Variants in NFIB observed in about 807,000 individuals in gnomAD.
NFIB encodes the protein nuclear factor I B, also known as nuclear factor 1 B-type.
NFIB carries 11 observed loss-of-function variants against 61.5 expected under a neutral mutation model. The ratio of observed to expected loss-of-function variants is 0.18; its 90% CI spans 0.11 to 0.30. The LOEUF is 0.30. NFIB is among the 10% of genes least tolerant of loss of function. NFIB has a pLI of 1.00. For missense variants in NFIB, 471 were observed against 608.9 expected, an observed-to-expected ratio of 0.77 and a Z score of 2.38; for synonymous variants, 260 against 216.5, an observed-to-expected ratio of 1.20 and a Z score of -1.76.
At chr9:14,341,670 T>C (rs77913604) in intron 1 of NFIB, among the ~76,000 whole-genome samples, 3,822 of 152,040 alleles carry the variant, frequency 0.025, 152 homozygotes, top group African/African-American at 0.086. Context: ...ATAAGACCCA[T>C]GGAAAAAGGA....
chr9:14,199,454 C>T (rs1314455799), intron 2 of NFIB, among the ~76,000 whole-genome samples: 1 of 152,216 alleles, frequency 6.6e-6, no homozygotes, highest in Non-Finnish European at 1.5e-5. Flanking sequence ...GCCTGCCAGA[C>T]CCTAATCTAC....
intron 9 of NFIB, 141 bp downstream of exon 9, chr9:14,116,067 T>A: frequency 9.6e-7 from 1 of 1,043,898 alleles, no homozygotes; most frequent in Non-Finnish European, 1.3e-6. Context: ...TCCACTTAAA[T>A]GAGAAATCTC....
intron 3 of NFIB, among the ~76,000 whole-genome samples, chr9:14,158,048 T>C (rs1587133999): frequency 1.3e-5 from 2 of 149,400 alleles, no homozygotes; most frequent in South Asian, 4.2e-4. Flanking sequence ...AAGGCAGAGG[T>C]TGTAGTGAGC....
chr9:14,215,959 C>T (rs774135173), intron 2 of NFIB, among the ~76,000 whole-genome samples: 6 of 152,124 alleles, frequency 3.9e-5, no homozygotes, highest in African/African-American at 9.7e-5. Flanking sequence ...ATTCTCAGCA[C>T]GATACCTTGT....
intron 1 of NFIB, among the ~76,000 whole-genome samples, chr9:14,380,290 T>C (rs1474097415): frequency 6.6e-6 from 1 of 152,062 alleles, no homozygotes; most frequent in Non-Finnish European, 1.5e-5. Context: ...CCACAATCAC[T>C]GAGGTGATGA....
chr9:14,163,622 A>C (rs972412221), intron 3 of NFIB, among the ~76,000 whole-genome samples: 1 of 152,066 alleles, frequency 6.6e-6, no homozygotes, highest in Non-Finnish European at 1.5e-5. Context: ...TATGAATACA[A>C]TCTATTAAAA....
intron 1 of NFIB, among the ~76,000 whole-genome samples, chr9:14,321,627 G>T (rs903714952): frequency 6.6e-6 from 1 of 152,182 alleles, no homozygotes; most frequent in Non-Finnish European, 1.5e-5. Flanking sequence ...GCATAAAGCA[G>T]AGAGTTAAAG....
chr9:14,407,150 A>G, the NFIB span, among the ~76,000 whole-genome samples: 5 of 152,192 alleles, frequency 3.3e-5, no homozygotes, highest in South Asian at 2.1e-4. Context: ...GCTCGCAACT[A>G]AAAAACCTTC....
intron 2 of NFIB, among the ~76,000 whole-genome samples, chr9:14,250,282 TTATG>T (rs967322190): frequency 4.6e-5 from 7 of 152,148 alleles, no homozygotes; most frequent in Middle Eastern, 3.2e-3. Flanking sequence ...TTTGTTTTCT[TTATG>T]TAAGTTCTCT....
the NFIB span, among the ~76,000 whole-genome samples, chr9:14,444,816 C>G: frequency 5.3e-5 from 8 of 152,096 alleles, no homozygotes; most frequent in Non-Finnish European, 2.9e-5. Context: ...CAGAATATTA[C>G]AAGGACTGTA....
At chr9:14,246,265 T>C (rs1480078521) in intron 2 of NFIB, among the ~76,000 whole-genome samples, 1 of 152,152 alleles carries the variant, frequency 6.6e-6, no homozygotes, top group Non-Finnish European at 1.5e-5. Context: ...ATACCTTGCA[T>C]TGGCAAGGCA....
intron 1 of NFIB, among the ~76,000 whole-genome samples, chr9:14,342,771 A>G (rs2060967438): frequency 6.6e-6 from 1 of 152,166 alleles, no homozygotes; most frequent in South Asian, 2.1e-4. Flanking sequence ...ATATGCATCC[A>G]TATACACATG....
At chr9:14,131,546 G>A (rs904684638) in intron 6 of NFIB, among the ~76,000 whole-genome samples, 62 of 152,206 alleles carry the variant, frequency 4.1e-4, no homozygotes, top group Non-Finnish European at 3.1e-4. Flanking sequence ...TCGACTCATC[G>A]GCAGCTTGCA....
intron 2 of NFIB, among the ~76,000 whole-genome samples, chr9:14,181,322 T>A (rs181094389): frequency 2.6e-5 from 4 of 152,314 alleles, no homozygotes; most frequent in Admixed American, 1.3e-4. Flanking sequence ...TTTCCTCCAA[T>A]TGTTTCCTGA....
chr9:14,333,519 T>C (rs566699509), intron 1 of NFIB, among the ~76,000 whole-genome samples: 13 of 152,230 alleles, frequency 8.5e-5, no homozygotes, highest in Middle Eastern at 3.4e-3. Flanking sequence ...GGGAGACATA[T>C]CATGGGCACC....
intron 5 of NFIB, among the ~76,000 whole-genome samples, chr9:14,148,059 T>C (rs2042461553): frequency 6.6e-6 from 1 of 152,164 alleles, no homozygotes; most frequent in African/African-American, 2.4e-5. Flanking sequence ...ACTTCTTTCA[T>C]ATGCCCCCAC....
chr9:14,174,210 T>C (rs538436468), intron 3 of NFIB, among the ~76,000 whole-genome samples: 5 of 152,316 alleles, frequency 3.3e-5, no homozygotes, highest in Admixed American at 2.0e-4. Context: ...CACTGACCCA[T>C]ACAGACCTCA....
At chr9:14,329,776 G>A (rs1698325858) in intron 1 of NFIB, among the ~76,000 whole-genome samples, 1 of 151,452 alleles carries the variant, frequency 6.6e-6, no homozygotes, top group African/African-American at 2.4e-5. Flanking sequence ...GCCTCCCAAA[G>A]TGCTGGGATT....
intron 10 of NFIB, among the ~76,000 whole-genome samples, chr9:14,089,788 A>G (rs7852000): frequency 0.083 from 12,664 of 152,188 alleles, 1,754 homozygotes; most frequent in African/African-American, 0.28. Flanking sequence ...AAACCTTTAC[A>G]GAATATCAAC....
Sources: gnomAD v4.1 joint callset for allele counts (sites outside exome capture counted in the v4.1 genomes callset) on GRCh38, gnomAD v4.1.1 for gene constraint, MANE v1.5 for transcripts, NCBI Gene and HGNC (gene_info 2026-07-23, HGNC 2026-07-21) for gene names.